GALNT13: variants seen among roughly 807,000 people sequenced by gnomAD.
GALNT13 encodes the protein polypeptide N-acetylgalactosaminyltransferase 13.
Under a neutral mutation model 64.2 loss-of-function variants are expected in GALNT13, and 28 were observed. The ratio of observed to expected loss-of-function variants is 0.44; its 90% CI spans 0.32 to 0.60. The LOEUF (loss-of-function observed/expected upper bound fraction) is 0.60, where lower values mean the gene tolerates loss of function less well. Among genes scored for constraint, GALNT13 ranks in the 20% least tolerant of loss-of-function variants. GALNT13 has a pLI of 0.05. For missense variants in GALNT13, 577 were observed against 669.8 expected, an observed-to-expected ratio of 0.86 and a Z score of 1.53; for synonymous variants, 214 against 224.6, an observed-to-expected ratio of 0.95 and a Z score of 0.42.
At chr2:153,671,683 T>C in the GALNT13 span, among the ~76,000 whole-genome samples, 12 of 152,136 alleles carry the variant, frequency 7.9e-5, no homozygotes, top group African/African-American at 2.7e-4. Context: ...AATGACAGGA[T>C]CAAATTCACA....
At chr2:153,300,652 G>A in the GALNT13 span, among the ~76,000 whole-genome samples, 1 of 152,022 alleles carries the variant, frequency 6.6e-6, no homozygotes, top group Non-Finnish European at 1.5e-5. Flanking sequence ...TACTCTTTTG[G>A]AGGTTGTGGG....
rs556230442 is a variant in GALNT13 at position 154,421,108 on chromosome 2, T to A, written c.1395+12026T>A. ...ATACAAGAAATTCATGTTCAAATAG[T>A]TGACTAGGCAATACTAATACTTTAT... On this transcript the variant is annotated intron_variant, in intron 11 of 12. Transcript: ENST00000392825. 1.2e-3 allele frequency among the ~76,000 whole-genome samples: 182 copies of A among 152,266 alleles called. 1 individual carries two copies. Among genetic ancestry groups the A allele is most frequent in the Admixed American group, 0.01 (159 of 15,278 alleles).
chr2:153,069,847 C>T, the GALNT13 span, among the ~76,000 whole-genome samples: 1 of 152,144 alleles, frequency 6.6e-6, no homozygotes, highest in African/African-American at 2.4e-5. Context: ...TCTGGTGGTG[C>T]TTGGCCCTTG....
At chr2:154,237,274 A>T (rs1689240855) in intron 4 of GALNT13, among the ~76,000 whole-genome samples, 1 of 151,756 alleles carries the variant, frequency 6.6e-6, no homozygotes, top group African/African-American at 2.4e-5. Flanking sequence ...GAGATTGCCT[A>T]CCTTAATCTT....
intron 11 of GALNT13, among the ~76,000 whole-genome samples, chr2:154,425,734 C>G (rs554727946): frequency 4.2e-4 from 64 of 152,126 alleles, no homozygotes; most frequent in Non-Finnish European, 6.0e-4. Flanking sequence ...TGATAACACT[C>G]GGTTAGATGT....
At chr2:153,781,593 G>T in the GALNT13 span, among the ~76,000 whole-genome samples, 1 of 151,896 alleles carries the variant, frequency 6.6e-6, no homozygotes, top group South Asian at 2.1e-4. Context: ...TTAGAAAAGT[G>T]GGCTTTTGTG....
the GALNT13 span, among the ~76,000 whole-genome samples, chr2:153,738,804 A>C: frequency 6.6e-6 from 1 of 151,922 alleles, no homozygotes; most frequent in Non-Finnish European, 1.5e-5. Flanking sequence ...TTAGTATACA[A>C]TCCTGGAGTC....
chr2:153,240,852 G>T, the GALNT13 span, among the ~76,000 whole-genome samples: 1 of 151,876 alleles, frequency 6.6e-6, no homozygotes, highest in South Asian at 2.1e-4. Context: ...GGGTCCTTAG[G>T]GGATCTTGGG....
chr2:154,084,778 T>C (rs1701444909), intron 3 of GALNT13, among the ~76,000 whole-genome samples: 1 of 151,950 alleles, frequency 6.6e-6, no homozygotes, highest in Non-Finnish European at 1.5e-5. Context: ...TTGCTCAACA[T>C]AGGCCAATCC....
At chr2:153,623,243 A>G in the GALNT13 span, among the ~76,000 whole-genome samples, 4 of 152,198 alleles carry the variant, frequency 2.6e-5, no homozygotes, top group Admixed American at 2.6e-4. Context: ...GACTCCTTTG[A>G]CATTGGGAAA....
chr2:154,269,911 T>TATATAC (rs1209064397), intron 8 of GALNT13, among the ~76,000 whole-genome samples: 2 of 137,690 alleles, frequency 1.5e-5, no homozygotes, highest in African/African-American at 5.2e-5. Flanking sequence ...TATGTGTATA[T>TATATAC]ATATATATAT....
chr2:153,395,724 A>G, the GALNT13 span, among the ~76,000 whole-genome samples: 2 of 152,156 alleles, frequency 1.3e-5, no homozygotes, highest in Admixed American at 1.3e-4. Context: ...TCTGTTTCGC[A>G]TTTCAGAAAA....
At chr2:153,087,238 CA>C in the GALNT13 span, among the ~76,000 whole-genome samples, 1 of 152,080 alleles carries the variant, frequency 6.6e-6, no homozygotes, top group Non-Finnish European at 1.5e-5. Context: ...TTGAGATGAT[CA>C]TATGATTTTT....
the GALNT13 span, among the ~76,000 whole-genome samples, chr2:153,121,766 T>C: frequency 1.3e-5 from 2 of 152,152 alleles, no homozygotes; most frequent in Non-Finnish European, 2.9e-5. Flanking sequence ...ACTCCTGACC[T>C]CAGGTGATCC....
the GALNT13 span, among the ~76,000 whole-genome samples, chr2:153,247,118 C>T: frequency 6.6e-6 from 1 of 152,186 alleles, no homozygotes; most frequent in East Asian, 1.9e-4. Flanking sequence ...GCACCCAATA[C>T]AGAAGCACCT....
the GALNT13 span, among the ~76,000 whole-genome samples, chr2:153,772,891 TG>T: frequency 7.2e-5 from 11 of 152,206 alleles, no homozygotes; most frequent in Admixed American, 1.3e-4. Flanking sequence ...TCTACATGGC[TG>T]GGCTGCTGCC....
the GALNT13 span, among the ~76,000 whole-genome samples, chr2:153,730,037 G>T: frequency 9.9e-5 from 15 of 151,908 alleles, no homozygotes; most frequent in South Asian, 2.3e-3. Flanking sequence ...CAGATTCAGT[G>T]CAACACCTAT....
the GALNT13 span, among the ~76,000 whole-genome samples, chr2:153,256,375 T>C: frequency 6.6e-6 from 1 of 152,202 alleles, no homozygotes; most frequent in African/African-American, 2.4e-5. Flanking sequence ...CGTCTAAATT[T>C]TTTTCAAAGT....
chr2:154,202,045 T>C (rs576313668), intron 4 of GALNT13, among the ~76,000 whole-genome samples: 38 of 152,288 alleles, frequency 2.5e-4, no homozygotes, highest in Middle Eastern at 6.8e-3. Flanking sequence ...GCTTACCCTT[T>C]GATTTAATTC....
Sources: allele counts gnomAD v4.1 joint callset (sites outside exome capture counted in the v4.1 genomes callset), GRCh38; gene constraint gnomAD v4.1.1; transcripts MANE v1.5; gene names NCBI Gene and HGNC (gene_info 2026-07-23, HGNC 2026-07-21).